ARMH3: variants seen among roughly 807,000 people sequenced by gnomAD.
ARMH3 encodes the protein armadillo like helical domain containing 3, also known as armadillo-like helical domain-containing protein 3.
A neutral mutation model predicts 99.1 loss-of-function variants in ARMH3; 60 were observed. The ratio of observed to expected loss-of-function variants is 0.61; its 90% CI spans 0.49 to 0.75. The LOEUF (loss-of-function observed/expected upper bound fraction) is 0.75, where lower values mean the gene tolerates loss of function less well. Ranked by LOEUF, ARMH3 falls within the 30% of genes least tolerant of loss-of-function variation. The pLI, the probability that ARMH3 is intolerant of heterozygous loss-of-function variation, is 0.00. For synonymous variants in ARMH3, 285 were observed against 292.8 expected (o/e 0.97, Z 0.27); for missense variants, 679 against 843.1 (o/e 0.81, Z 2.41).
chr10:101,909,733 T>A (rs756699526), intron 23 of ARMH3, among the ~76,000 whole-genome samples: 31 of 152,070 alleles, frequency 2.0e-4, no homozygotes, highest in Non-Finnish European at 3.5e-4. Flanking sequence ...GTGCTGGGAT[T>A]ACAGGAGTGA....
chr10:101,953,106 G>A (rs923885808), intron 22 of ARMH3, among the ~76,000 whole-genome samples: 10 of 152,126 alleles, frequency 6.6e-5, no homozygotes, highest in African/African-American at 1.9e-4. Flanking sequence ...TGTGAATGGT[G>A]CTATTATAAA....
intron 2 of ARMH3, among the ~76,000 whole-genome samples, chr10:102,037,087 A>T (rs1277310315): frequency 6.6e-6 from 1 of 151,908 alleles, no homozygotes; most frequent in Admixed American, 6.6e-5. Flanking sequence ...GATTAATTAA[A>T]ATAAAACAGC....
chr10:102,041,380 C>T (rs1404727304), intron 1 of ARMH3, among the ~76,000 whole-genome samples: 1 of 151,888 alleles, frequency 6.6e-6, no homozygotes, highest in Non-Finnish European at 1.5e-5. Flanking sequence ...CATCCAATGA[C>T]AAGTATGTGA....
At chr10:102,050,041 T>C (rs959469889) in intron 1 of ARMH3, among the ~76,000 whole-genome samples, 2 of 148,892 alleles carry the variant, frequency 1.3e-5, no homozygotes, top group Non-Finnish European at 3.0e-5. Context: ...TACTCGGGAG[T>C]CTGAGGCACG....
intron 23 of ARMH3, among the ~76,000 whole-genome samples, chr10:101,915,654 C>T (rs764995279): frequency 6.6e-6 from 1 of 152,128 alleles, no homozygotes; most frequent in African/African-American, 2.4e-5. Flanking sequence ...GTTCACCTAT[C>T]CCTGGGTCCC....
chr10:102,025,726 T>C (rs139492476), intron 5 of ARMH3, among the ~76,000 whole-genome samples: 1 of 152,320 alleles, frequency 6.6e-6, no homozygotes, highest in Non-Finnish European at 1.5e-5. Flanking sequence ...CATAGCACAC[T>C]GCAACCTCAA....
chr10:102,006,414 G>A (rs2066488627), intron 14 of ARMH3, 126 bp downstream of exon 14: 1 of 987,546 alleles, frequency 1.0e-6, no homozygotes, highest in African/African-American at 1.6e-5. Flanking sequence ...CTGAAGGATA[G>A]TACTACAGAC....
rs1278331698 is a variant in ARMH3, at chr10:101,933,974, A to G, written c.1781+5889T>C. 2.6e-5 allele frequency among the ~76,000 whole-genome samples: 4 copies of G among 152,236 alleles called. No individual in the cohort carries two copies. The East Asian group carries it at 7.7e-4, about 29-fold the overall frequency. On this transcript the variant is annotated intron_variant, in intron 23 of 25. Coordinates refer to ENST00000370033, the MANE Select transcript of ARMH3 (RefSeq NM_024541.3). ...ACCATTTTGTTAAGTGAATTATAGCAATGCAGCAAAGATTTCAGCCCAAAC... is the reference window on the plus strand; with the variant it reads ...ACCATTTTGTTAAGTGAATTATAGCGATGCAGCAAAGATTTCAGCCCAAAC...
intron 23 of ARMH3, among the ~76,000 whole-genome samples, chr10:101,901,347 T>A (rs2067973348): frequency 6.6e-6 from 1 of 151,890 alleles, no homozygotes; most frequent in Admixed American, 6.6e-5. Flanking sequence ...TTATACTCCA[T>A]CCCAGGGGGA....
intron 22 of ARMH3, among the ~76,000 whole-genome samples, chr10:101,953,841 ATACT>A (rs1258852515): frequency 6.6e-6 from 1 of 152,146 alleles, no homozygotes; most frequent in African/African-American, 2.4e-5. Flanking sequence ...TAGTTAAAAC[ATACT>A]TACCACAATA....
intron 1 of ARMH3, among the ~76,000 whole-genome samples, chr10:102,049,978 A>G (rs1287389246): frequency 6.6e-6 from 1 of 152,264 alleles, no homozygotes; most frequent in African/African-American, 2.4e-5. Flanking sequence ...TGTTAGTGCA[A>G]AACATCAGGA....
At chr10:101,927,084 C>T (rs1843537636) in intron 23 of ARMH3, among the ~76,000 whole-genome samples, 1 of 152,002 alleles carries the variant, frequency 6.6e-6, no homozygotes, top group African/African-American at 2.4e-5. Flanking sequence ...TTGATGCTTA[C>T]CTAAAGAAAT....
chr10:101,910,316 T>C (rs17114260), intron 23 of ARMH3, among the ~76,000 whole-genome samples: 11,088 of 152,236 alleles, frequency 0.073, 1,320 homozygotes, highest in African/African-American at 0.25. Flanking sequence ...CTACTCCAAA[T>C]GTAGCTTTCC....
chr10:101,942,896 T>C (rs1448327525), intron 22 of ARMH3, among the ~76,000 whole-genome samples: 1 of 151,866 alleles, frequency 6.6e-6, no homozygotes, highest in Non-Finnish European at 1.5e-5. Flanking sequence ...TCTTTCCTCT[T>C]CTAGCCAAGA....
chr10:101,881,819 C>A (rs1207274036), intron 24 of ARMH3, among the ~76,000 whole-genome samples: 1 of 152,158 alleles, frequency 6.6e-6, no homozygotes, highest in Non-Finnish European at 1.5e-5. Flanking sequence ...TCTTTCTGTC[C>A]TTTTCAGATC....
intron 24 of ARMH3, among the ~76,000 whole-genome samples, chr10:101,866,677 G>A (rs916012538): frequency 3.9e-5 from 6 of 152,160 alleles, no homozygotes; most frequent in African/African-American, 7.2e-5. Context: ...TAGAGAAAAA[G>A]TGAAGTCATT....
chr10:101,944,290 A>AGAGC (rs1844407695), intron 22 of ARMH3, among the ~76,000 whole-genome samples: 1 of 72,576 alleles, frequency 1.4e-5, no homozygotes, highest in Non-Finnish European at 2.6e-5. Flanking sequence ...AGAGAGAGAG[A>AGAGC]GAGAGAGAGA....
chr10:101,967,708 G>T (rs1182980856), intron 20 of ARMH3, among the ~76,000 whole-genome samples: 1 of 152,202 alleles, frequency 6.6e-6, no homozygotes, highest in African/African-American at 2.4e-5. Context: ...CGGCACTCCA[G>T]CCTGGGCTAC....
chr10:102,049,279 C>G (rs1043938865), intron 1 of ARMH3, among the ~76,000 whole-genome samples: 2 of 152,146 alleles, frequency 1.3e-5, no homozygotes, highest in Non-Finnish European at 2.9e-5. Flanking sequence ...CGGTGGCTCA[C>G]GCCTGTAATC....
Sources: allele counts gnomAD v4.1 joint callset (sites outside exome capture counted in the v4.1 genomes callset), GRCh38; gene constraint gnomAD v4.1.1; transcripts MANE v1.5; gene names NCBI Gene and HGNC (gene_info 2026-07-23, HGNC 2026-07-21).